HRH2: variants seen among roughly 807,000 people sequenced by gnomAD.
The protein encoded by HRH2 is histamine H2 receptor.
HRH2 carries 4 observed loss-of-function variants against 20.1 expected under a neutral mutation model. That is an observed-to-expected ratio of 0.20 (90% confidence interval 0.10 to 0.45). HRH2 has a LOEUF of 0.45. Ranked by LOEUF, HRH2 falls within the 20% of genes least tolerant of loss-of-function variation. The probability of loss-of-function intolerance (pLI) is 0.99; values close to 1 mark genes in which losing one functional copy is unlikely to be tolerated. For synonymous variants in HRH2, 197 were observed against 200.7 expected (o/e 0.98, Z 0.16); for missense variants, 250 against 461.6 (o/e 0.54, Z 4.20).
At position 175,684,861 on chromosome 5, in the gene HRH2, C is replaced by T. The variant is rs114270238; in HGVS notation, c.1076+552C>T. Among the ~76,000 whole-genome samples, 646 of 151,900 alleles carry T rather than the reference C, an allele frequency of 4.3e-3. 7 individuals carry two copies. Among genetic ancestry groups the T allele is most frequent in the African/African-American group, 0.015 (619 of 41,406 alleles). On this transcript the variant is annotated intron_variant, in intron 2 of 2. Coordinates refer to ENST00000636584, the MANE Select transcript of HRH2 (RefSeq NM_001367711.1). ...GGCCAGTGGAGTCAGAAAGGTGGGG[C>T]CTTGAAGGCGGCTGAGTTTGGGCAT... is the stretch of plus-strand genomic sequence containing the variant.
rs577592718 is a variant in HRH2 at position 175,659,832 on chromosome 5, G to A, written c.-526+1677G>A. On this transcript the variant is annotated intron_variant, in intron 1 of 2. Transcript: ENST00000636584. ...CTGGAGAAAGTGAGCCTGAAGCCTG[G>A]CAGCAGGGTTGGGGTACTCTTGCCA... 3.9e-5 allele frequency among the ~76,000 whole-genome samples: 6 copies of A among 152,322 alleles called. No individual in the cohort carries two copies. In the South Asian group the frequency reaches 1.2e-3, roughly 32 times the overall value.
At chr5:175,685,684 G>C in intron 2 of HRH2, 1 of 612,648 alleles carries the variant, frequency 1.6e-6, no homozygotes, top group South Asian at 2.0e-5. Flanking sequence ...ATCGCATAGA[G>C]AGTTGGTCTT....
intron 1 of HRH2, among the ~76,000 whole-genome samples, chr5:175,676,316 T>G (rs1755759002): frequency 6.6e-6 from 1 of 152,224 alleles, no homozygotes; most frequent in African/African-American, 2.4e-5. Context: ...TATGCGCACA[T>G]CCACGCCCGC....
At chr5:175,705,568 A>G (rs1452118427) in intron 2 of HRH2, among the ~76,000 whole-genome samples, 2 of 152,178 alleles carry the variant, frequency 1.3e-5, no homozygotes, top group Non-Finnish European at 2.9e-5. Flanking sequence ...ATAGTTATCA[A>G]CTTATGCCCA....
intron 1 of HRH2, among the ~76,000 whole-genome samples, chr5:175,679,269 C>G (rs1001067322): frequency 6.6e-5 from 10 of 152,096 alleles, no homozygotes; most frequent in Non-Finnish European, 1.3e-4. Flanking sequence ...GCCTTGAAAA[C>G]TCAAAACTCT....
intron 1 of HRH2, among the ~76,000 whole-genome samples, chr5:175,667,829 A>G (rs1762953387): frequency 6.6e-6 from 1 of 152,214 alleles, no homozygotes; most frequent in Admixed American, 6.5e-5. Flanking sequence ...TTATACCTAC[A>G]GTTGTTCTGT....
At chr5:175,706,602 G>A (rs143306553) in intron 2 of HRH2, among the ~76,000 whole-genome samples, 11 of 152,296 alleles carry the variant, frequency 7.2e-5, no homozygotes, top group Admixed American at 1.3e-4. Context: ...CTGCCTGCTT[G>A]GTCAAATATG....
chr5:175,679,128 C>A (rs1458862903), intron 1 of HRH2, among the ~76,000 whole-genome samples: 1 of 152,168 alleles, frequency 6.6e-6, no homozygotes, highest in African/African-American at 2.4e-5. Context: ...AAGCCCTCAT[C>A]TTCTTCACCA....
In HRH2 at chr5:175,693,214, G is replaced by A. The variant is rs971951516; in HGVS notation, c.1076+8905G>A. On this transcript the variant is annotated intron_variant, in intron 2 of 2. Transcript: ENST00000636584. The surrounding 1 kb of genome is among the most constrained non-coding windows in gnomAD (Gnocchi z 4.4). Reference sequence around the variant, plus strand: ...CTCCCTGTTTTGGGGGCTTCATTACGCTCGCAGTGGCTGTTTGTGGCAGAG... The same window carrying A: ...CTCCCTGTTTTGGGGGCTTCATTACACTCGCAGTGGCTGTTTGTGGCAGAG... Among the ~76,000 whole-genome samples the A allele has an allele frequency of 2.0e-5, 3 of 152,202 alleles. No homozygotes were observed. Among genetic ancestry groups the A allele is most frequent in the Non-Finnish European group, 2.9e-5 (2 of 68,036 alleles).
chr5:175,680,941 A>C lies in HRH2; in HGVS notation c.-525-1768A>C, dbSNP rs554629160. ...GTGTTGAAAAGGACTGAGGAAGGGAAGGAGGGGCGGGAGAGGAGAGAAGGA... is the reference window on the plus strand; with the variant it reads ...GTGTTGAAAAGGACTGAGGAAGGGACGGAGGGGCGGGAGAGGAGAGAAGGA... On this transcript the variant is annotated intron_variant, in intron 1 of 2. Transcript: ENST00000636584. Among the ~76,000 whole-genome samples the C allele has an allele frequency of 4.6e-5, 7 of 151,936 alleles. No individual in the cohort carries two copies. In the East Asian group the frequency reaches 7.8e-4, roughly 17 times the overall value.
At chr5:175,666,587 C>T (rs1762902294) in intron 1 of HRH2, among the ~76,000 whole-genome samples, 1 of 152,056 alleles carries the variant, frequency 6.6e-6, no homozygotes, top group African/African-American at 2.4e-5. Flanking sequence ...AGCACCACAC[C>T]CTGCTAAGTT....
rs770585771 is a variant in HRH2, at chr5:175,684,215, C to G, written c.982C>G (p.Gln328Glu). 5.0e-6 allele frequency: 8 copies of G among 1,614,168 alleles called. No individual in the cohort carries two copies. In the South Asian group the frequency reaches 8.8e-5, roughly 18 times the overall value. ...RSNASQLSRT[Q>E]SREPRQQEEK... is the part of the protein sequence containing the mutation. ...CAACGCCTCTCAGCTGTCCAGGACCCAAAGCCGAGAACCCAGGCAACAGGA... is the reference window on the plus strand; with the variant it reads ...CAACGCCTCTCAGCTGTCCAGGACCGAAAGCCGAGAACCCAGGCAACAGGA... The change falls in exon 2 of 3, where the codon CAA becomes GAA. Residue 328 changes from glutamine to glutamate, a missense_variant. Transcript: ENST00000636584.
At position 175,693,381 on chromosome 5, in the gene HRH2, C is replaced by T. The variant is rs1387626595; in HGVS notation, c.1076+9072C>T. 2.6e-5 allele frequency among the ~76,000 whole-genome samples: 4 copies of T among 152,218 alleles called. No individual in the cohort carries two copies. The highest frequency in any genetic ancestry group is 6.5e-5 in the Admixed American group (1 of 15,290). On this transcript the variant is annotated intron_variant, in intron 2 of 2. Transcript: ENST00000636584. This position sits in a 1 kb window ranked among gnomAD's most constrained non-coding sequence, Gnocchi z 4.4. ...TGGTCCCGACTGCCAAAAACTGGCACGTGGTGCTAGACAACCATCAGTGTG... is the reference window on the plus strand; with the variant it reads ...TGGTCCCGACTGCCAAAAACTGGCATGTGGTGCTAGACAACCATCAGTGTG...
intron 1 of HRH2, among the ~76,000 whole-genome samples, chr5:175,675,335 C>T (rs1755718841): frequency 6.6e-6 from 1 of 152,202 alleles, no homozygotes; most frequent in African/African-American, 2.4e-5. Context: ...ATGATTGAAC[C>T]TTCAATGACT....
chr5:175,700,696 C>T (rs1015015427), intron 2 of HRH2, among the ~76,000 whole-genome samples: 4 of 152,062 alleles, frequency 2.6e-5, no homozygotes, highest in African/African-American at 7.2e-5. Context: ...CCAGCCTGAC[C>T]AACATGGTGA....
rs147322478 is a variant in HRH2, at chr5:175,672,798, T to C, written c.-525-9911T>C. Among the ~76,000 whole-genome samples the C allele has an allele frequency of 9.3e-5, 14 of 150,802 alleles. No homozygotes were observed. In the East Asian group the frequency reaches 2.7e-3, roughly 29 times the overall value. Reference sequence around the variant, plus strand: ...GAAATGCTAGGAGGGCCATGTGGGGTGGGGGATGTTAAAGAGGGTGAATTG... The same window carrying C: ...GAAATGCTAGGAGGGCCATGTGGGGCGGGGGATGTTAAAGAGGGTGAATTG... On this transcript the variant is annotated intron_variant, in intron 1 of 2. Transcript: ENST00000636584.
intron 1 of HRH2, among the ~76,000 whole-genome samples, chr5:175,674,223 G>A (rs563575726): frequency 5.3e-5 from 8 of 152,154 alleles, no homozygotes; most frequent in Admixed American, 5.2e-4. Context: ...CTGCGGCAGG[G>A]GGGGTCTGGG....
Position 175,684,124 on chromosome 5 carries a change from C to T in HRH2, c.891C>T (p.Thr297=), listed in dbSNP as rs201271683. ...LYAALNRDFR[T]GYQQLFCCRL... ...CTGCGCTGAACAGAGACTTCCGCAC[C>T]GGGTACCAACAGCTCTTCTGCTGCA... Residue 297 remains threonine, a synonymous_variant, in exon 2 of 3, where the codon ACC becomes ACT. Coordinates refer to ENST00000636584, the MANE Select transcript of HRH2 (RefSeq NM_001367711.1). The T allele has an allele frequency of 5.6e-6, 9 of 1,614,172 alleles. No individual in the cohort carries two copies. The highest frequency in any genetic ancestry group is 4.0e-5 in the African/African-American group (3 of 75,032).
In HRH2 at chr5:175,709,133, C is replaced by T. The variant is rs1757025222; in HGVS notation, c.*1162C>T. 1 of 152,184 alleles carries T rather than the reference C, an allele frequency of 6.6e-6. No homozygotes were observed. The highest frequency in any genetic ancestry group is 6.5e-5 in the Admixed American group (1 of 15,276). 9.4% of individuals were successfully genotyped at this position (152,184 alleles called of 1,614,324 possible). A position where few individuals can be genotyped will look rare whatever the true frequency, so the allele number is the denominator to read the frequency against. On this transcript the variant is annotated 3_prime_UTR_variant, in exon 3 of 3. Transcript: ENST00000636584. ...GGAGGGACTTCTACCCCCAGGGCTT[C>T]TCAGTGGCATCTCCTGGCTGGCCCC...
Sources: gnomAD v4.1 joint callset for allele counts (sites outside exome capture counted in the v4.1 genomes callset) on GRCh38, gnomAD v4.1.1 for gene constraint, Gnocchi (gnomAD v3.1) non-coding constraint, MANE v1.5 for transcripts, NCBI Gene and HGNC (gene_info 2026-07-23, HGNC 2026-07-21) for gene names.